The following PAPPA variants were observed in gnomAD, a reference collection of about 807,000 sequenced individuals.
The protein encoded by PAPPA is pappalysin 1, also known as pappalysin-1.
PAPPA carries 60 observed loss-of-function variants against 164.0 expected under a neutral mutation model. The ratio of observed to expected loss-of-function variants is 0.37; its 90% CI spans 0.30 to 0.45. The LOEUF (loss-of-function observed/expected upper bound fraction) is 0.45. Ranked by LOEUF, PAPPA falls within the 20% of genes least tolerant of loss-of-function variation. The probability of loss-of-function intolerance (pLI) is 1.00; values close to 1 mark genes in which losing one functional copy is unlikely to be tolerated. For missense variants in PAPPA, 1,782 were observed against 2,087.3 expected (o/e 0.85, Z 2.85); for synonymous variants, 875 against 814.1 (o/e 1.07, Z -1.27).
chr9:116,367,327 C>A (rs1353405636), intron 18 of PAPPA, among the ~76,000 whole-genome samples: 1 of 152,140 alleles, frequency 6.6e-6, no homozygotes, highest in Non-Finnish European at 1.5e-5. Context: ...GCACTGAGTG[C>A]CCAGCAAAGG....
chr9:116,216,107 T>A (rs1844368190), intron 4 of PAPPA, among the ~76,000 whole-genome samples: 1 of 152,208 alleles, frequency 6.6e-6, no homozygotes, highest in Non-Finnish European at 1.5e-5. Flanking sequence ...TATCTACATC[T>A]ATTATTATGA....
At chr9:116,358,462 C>A (rs929374172) in intron 17 of PAPPA, among the ~76,000 whole-genome samples, 4 of 152,190 alleles carry the variant, frequency 2.6e-5, no homozygotes, top group African/African-American at 9.7e-5. Context: ...TTCATTTAAG[C>A]CCCATGGCAT....
chr9:116,162,953 T>A lies in PAPPA; in HGVS notation c.415+8366T>A, dbSNP rs186956060. 9.4e-4 allele frequency among the ~76,000 whole-genome samples: 142 copies of A among 151,378 alleles called. 1 individual carries two copies. Among genetic ancestry groups the A allele is most frequent in the African/African-American group, 3.3e-3 (137 of 41,334 alleles). On this transcript the variant is annotated intron_variant, in intron 1 of 21. Transcript: ENST00000328252. ...AAGATAAACACATTATTGTGTCATT[T>A]AAAAAAAAATAGTGCATGCTCATTG...
intron 21 of PAPPA, among the ~76,000 whole-genome samples, chr9:116,383,954 CTTA>C (rs1846768368): frequency 6.6e-6 from 1 of 152,078 alleles, no homozygotes; most frequent in Non-Finnish European, 1.5e-5. Flanking sequence ...AAAGAATTCA[CTTA>C]TTATCTTAAA....
intron 8 of PAPPA, among the ~76,000 whole-genome samples, chr9:116,266,679 CAG>C (rs1399441175): frequency 3.3e-5 from 5 of 152,110 alleles, no homozygotes; most frequent in Admixed American, 2.6e-4. Flanking sequence ...AACTGGCAAA[CAG>C]GGGTGAGGAG....
intron 2 of PAPPA, among the ~76,000 whole-genome samples, chr9:116,206,173 T>C (rs1358379538): frequency 6.6e-6 from 1 of 152,200 alleles, no homozygotes; most frequent in African/African-American, 2.4e-5. Flanking sequence ...TCTGAGTTTG[T>C]GTGGCTATTC....
intron 1 of PAPPA, among the ~76,000 whole-genome samples, chr9:116,165,172 A>G (rs536751543): frequency 6.6e-6 from 1 of 152,228 alleles, no homozygotes; most frequent in Admixed American, 6.5e-5. Context: ...TAGATACTTT[A>G]AAGTCTTAAG....
At chr9:116,247,399 A>T (rs1386068822) in intron 7 of PAPPA, among the ~76,000 whole-genome samples, 3 of 152,156 alleles carry the variant, frequency 2.0e-5, no homozygotes, top group African/African-American at 4.8e-5. Context: ...TTGTTTGAAA[A>T]AGGTACCCTG....
In PAPPA at chr9:116,226,833, A is replaced by G. The variant is rs1587960989; in HGVS notation, c.2112-598A>G. Among the ~76,000 whole-genome samples, 5 of 152,338 alleles carry G rather than the reference A, an allele frequency of 3.3e-5. No homozygotes were observed. In the South Asian group the frequency reaches 6.2e-4, roughly 19 times the overall value. ...GCTAGCCCCTTGGAAAGCCGCTACAATGAATTAGATGGCATGGTAGAGAAA... is the reference window on the plus strand; with the variant it reads ...GCTAGCCCCTTGGAAAGCCGCTACAGTGAATTAGATGGCATGGTAGAGAAA... On this transcript the variant is annotated intron_variant, in intron 5 of 21. Transcript: ENST00000328252.
intron 13 of PAPPA, among the ~76,000 whole-genome samples, chr9:116,342,493 T>C (rs1388678648): frequency 6.6e-6 from 1 of 152,178 alleles, no homozygotes; most frequent in Non-Finnish European, 1.5e-5. Flanking sequence ...TTTCTGGGTC[T>C]TTAAAAAAGT....
chr9:116,351,456 T>C (rs934785330), intron 15 of PAPPA, among the ~76,000 whole-genome samples: 1 of 152,224 alleles, frequency 6.6e-6, no homozygotes, highest in African/African-American at 2.4e-5. Context: ...ATAAATGTTG[T>C]TTTATTTCAT....
In PAPPA at chr9:116,188,117, A is replaced by G. The variant is rs1003758179; in HGVS notation, c.1379A>G (p.Asp460Gly). ...KKQHNGVCDM[D>G]CNYERFNFDG... Reference sequence around the variant, plus strand: ...CAGCACAACGGGGTGTGTGACATGGACTGCAACTATGAACGGTTCAACTTT... The same window carrying G: ...CAGCACAACGGGGTGTGTGACATGGGCTGCAACTATGAACGGTTCAACTTT... The change falls in exon 2 of 22, where the codon GAC becomes GGC. Residue 460 changes from aspartate to glycine, a missense_variant. By Grantham distance (94) the Asp-to-Gly change is moderately conservative (BLOSUM62 -1). This residue lies in a region of PAPPA where 1,324 missense variants were observed against 1,656.9 expected (regional missense o/e 0.80). Coordinates refer to ENST00000328252, the MANE Select transcript of PAPPA (RefSeq NM_002581.5). 4 of 1,614,088 alleles carry G rather than the reference A, an allele frequency of 2.5e-6. No individual in the cohort carries two copies. In the African/African-American group the frequency reaches 5.3e-5, roughly 22 times the overall value.
intron 3 of PAPPA, among the ~76,000 whole-genome samples, chr9:116,209,100 A>T (rs1324832207): frequency 6.6e-6 from 1 of 152,174 alleles, no homozygotes; most frequent in Non-Finnish European, 1.5e-5. Flanking sequence ...AAATCCTGAG[A>T]CATATGGTGT....
In PAPPA at chr9:116,188,078, C is replaced by T. The variant is rs1263501993; in HGVS notation, c.1340C>T (p.Ala447Val). Residue 447 changes from alanine to valine, a missense_variant, in exon 2 of 22, where the codon GCC (alanine) becomes GTC (valine). This residue lies in a region of PAPPA where 1,324 missense variants were observed against 1,656.9 expected (regional missense o/e 0.80). Transcript: ENST00000328252. ...GATTGCCGCCACCTGCGCCACCCTG[C>T]CTTCGTGAAGAAGCAGCACAACGGG... Reference protein sequence around the residue: ...GGDCRHLRHPAFVKKQHNGVC... With the variant: ...GGDCRHLRHPVFVKKQHNGVC... The T allele has an allele frequency of 1.2e-6, 2 of 1,614,214 alleles. No homozygotes were observed. The highest frequency in any genetic ancestry group is 1.7e-5 in the Admixed American group (1 of 60,034).
At position 116,347,334 on chromosome 9, in the gene PAPPA, T is replaced by C. The variant is rs921292892; in HGVS notation, c.3964+125T>C. On this transcript the variant is annotated intron_variant, in intron 15 of 21. Transcript: ENST00000328252. This position sits in a 1 kb window ranked among gnomAD's most constrained non-coding sequence, Gnocchi z 4.5. ...GATGGGTTTTATCTATGCTCCTGAC[T>C]TCTTCCTACTAATTGTATTTATGTA... 1.7e-5 allele frequency: 12 copies of C among 707,928 alleles called. No individual in the cohort carries two copies. The highest frequency in any genetic ancestry group is 2.8e-5 in the Non-Finnish European group (12 of 435,006). The allele number at this position is 707,928 out of a possible 1,614,324, so 43.9% of individuals were successfully genotyped here. A position where few individuals can be genotyped will look rare whatever the true frequency, so the allele number is the denominator to read the frequency against.
intron 16 of PAPPA, 137 bp downstream of exon 16, chr9:116,353,053 C>T: frequency 1.4e-6 from 1 of 731,076 alleles, no homozygotes; most frequent in Non-Finnish European, 2.4e-6. Flanking sequence ...CTGTGAGAAG[C>T]TAGAAGGATT....
chr9:116,300,132 C>A (rs1299662432), intron 9 of PAPPA, among the ~76,000 whole-genome samples: 1 of 152,086 alleles, frequency 6.6e-6, no homozygotes, highest in Non-Finnish European at 1.5e-5. Flanking sequence ...GAGGTTGGAG[C>A]TACTGAGAAG....
chr9:116,218,505 G>A (rs1402071324), intron 4 of PAPPA, among the ~76,000 whole-genome samples: 1 of 152,104 alleles, frequency 6.6e-6, no homozygotes, highest in Non-Finnish European at 1.5e-5. Flanking sequence ...ACAGTGCATT[G>A]CCCTGTCCCT....
intron 7 of PAPPA, among the ~76,000 whole-genome samples, chr9:116,260,802 G>A (rs145300816): frequency 2.6e-3 from 396 of 152,194 alleles, no homozygotes; most frequent in African/African-American, 9.1e-3. Context: ...ATGAGTCAAC[G>A]GTAGTATTTC....
Sources: gnomAD v4.1 joint callset for allele counts (sites outside exome capture counted in the v4.1 genomes callset) on GRCh38, gnomAD v4.1.1 for gene constraint, gnomAD v4.1.1 regional missense constraint, Gnocchi (gnomAD v3.1) non-coding constraint, MANE v1.5 for transcripts, NCBI Gene and HGNC (gene_info 2026-07-23, HGNC 2026-07-21) for gene names.